ATG7: variants seen among roughly 807,000 people sequenced by gnomAD.
The protein encoded by ATG7 is ubiquitin-like modifier-activating enzyme ATG7.
ATG7 carries 70 observed loss-of-function variants against 82.4 expected under a neutral mutation model. The observed-to-expected ratio is 0.85, with a 90% CI of 0.70 to 1.04. The LOEUF (loss-of-function observed/expected upper bound fraction) is 1.04. Ranked by LOEUF, ATG7 falls within the 50% of genes least tolerant of loss-of-function variation. The pLI is 0.00. For synonymous variants in ATG7, 287 were observed against 313.0 expected (o/e 0.92, Z 0.88); for missense variants, 792 against 864.3 (o/e 0.92, Z 1.05).
intron 7 of ATG7, among the ~76,000 whole-genome samples, chr3:11,310,490 T>C (rs1412136742): frequency 6.6e-6 from 1 of 152,246 alleles, no homozygotes; most frequent in Non-Finnish European, 1.5e-5. Flanking sequence ...AGTGGGTGGC[T>C]ATCTACAAGG....
chr3:11,322,938 A>G (rs991011732), intron 9 of ATG7, among the ~76,000 whole-genome samples: 1 of 152,196 alleles, frequency 6.6e-6, no homozygotes, highest in Admixed American at 6.5e-5. Context: ...GTCTCTACAA[A>G]AAATTTAAAA....
chr3:11,334,072 G>A (rs578051283), intron 11 of ATG7, among the ~76,000 whole-genome samples: 15 of 151,766 alleles, frequency 9.9e-5, no homozygotes, highest in Admixed American at 3.3e-4. Flanking sequence ...TTTCTTACCC[G>A]GAATCCATGT....
intron 20 of ATG7, among the ~76,000 whole-genome samples, chr3:11,504,080 A>C (rs1559764778): frequency 6.6e-6 from 1 of 152,208 alleles, no homozygotes; most frequent in East Asian, 1.9e-4. Context: ...CCAGAACAGT[A>C]GATGAGACTA....
chr3:11,398,822 G>A (rs921604499), intron 19 of ATG7, among the ~76,000 whole-genome samples: 1 of 152,216 alleles, frequency 6.6e-6, no homozygotes, highest in East Asian at 1.9e-4. Flanking sequence ...CTGCACTCCA[G>A]TGTAGGTGAC....
chr3:11,364,701 GCCTCCAA>G lies in ATG7; in HGVS notation c.1847_1853del (p.Pro616LeufsTer48), dbSNP rs1250913394. ...GCAGCAGTGACGATCGGATGAATGAGCCTCCAACCTCTCTTGGGCTTGTGCCTCACCA... is the reference window on the plus strand; with the variant it reads ...GCAGCAGTGACGATCGGATGAATGAGCCTCTCTTGGGCTTGTGCCTCACCA... On this transcript the variant is annotated frameshift_variant, in exon 18 of 21. Coordinates refer to ENST00000693202, the MANE Select transcript of ATG7 (RefSeq NM_001349232.2). LOFTEE classifies it high-confidence loss of function. The G allele has an allele frequency of 6.2e-7, 1 of 1,614,030 alleles. No homozygotes were observed. Among genetic ancestry groups the G allele is most frequent in the Non-Finnish European group, 8.5e-7 (1 of 1,180,014 alleles).
intron 20 of ATG7, among the ~76,000 whole-genome samples, chr3:11,467,910 TAGAA>T (rs1299431527): frequency 6.6e-6 from 1 of 152,230 alleles, no homozygotes; most frequent in Non-Finnish European, 1.5e-5. Flanking sequence ...AATACAGAAT[TAGAA>T]AGAATTCCTC....
At chr3:11,565,095 C>A in the ATG7 span, 1 of 1,303,972 alleles carries the variant, frequency 7.7e-7, no homozygotes, top group East Asian at 2.9e-5. This position sits in a 1 kb window ranked among gnomAD's most constrained non-coding sequence, Gnocchi z 4.1. Context: ...CCAGGCACTC[C>A]GTGTTGCTTA....
intron 20 of ATG7, among the ~76,000 whole-genome samples, chr3:11,472,610 A>G (rs1429551122): frequency 6.6e-6 from 1 of 152,196 alleles, no homozygotes; most frequent in African/African-American, 2.4e-5. Flanking sequence ...ACAGATGTCC[A>G]CTGTGGTTAT....
chr3:11,420,880 T>C (rs1293721798), intron 19 of ATG7, among the ~76,000 whole-genome samples: 2 of 151,428 alleles, frequency 1.3e-5, no homozygotes, highest in African/African-American at 2.4e-5. Flanking sequence ...CTCAGCCTCC[T>C]GAGTAGCTGG....
intron 19 of ATG7, among the ~76,000 whole-genome samples, chr3:11,422,438 T>G (rs2082009090): frequency 6.6e-6 from 1 of 152,258 alleles, no homozygotes; most frequent in Admixed American, 6.5e-5. Context: ...CTTCCAGCTG[T>G]GCCTCTGTAG....
chr3:11,412,447 CA>C (rs1174427981), intron 19 of ATG7, among the ~76,000 whole-genome samples: 11 of 151,968 alleles, frequency 7.2e-5, no homozygotes, highest in Admixed American at 7.2e-4. Flanking sequence ...GCACTCTTGT[CA>C]AAAATTGAGA....
chr3:11,380,855 C>T lies in ATG7; in HGVS notation c.1956+803C>T, dbSNP rs1474520573. Among the ~76,000 whole-genome samples the T allele has an allele frequency of 3.3e-5, 5 of 152,108 alleles. No individual in the cohort carries two copies. The South Asian group carries it at 8.3e-4, about 25-fold the overall frequency. On this transcript the variant is annotated intron_variant, in intron 19 of 20. Transcript: ENST00000693202. ...TCAGTTACAATTTGGAACTATTTTT[C>T]GTGTAGCCTTCGTCTGTCTGCCACT...
rs1951862766 is a variant in ATG7 at position 11,332,960 on chromosome 3, G to A, written c.768-12G>A. 1 of 1,456,156 alleles carries A rather than the reference G, an allele frequency of 6.9e-7. No individual in the cohort carries two copies. Among genetic ancestry groups the A allele is most frequent in the Non-Finnish European group, 9.1e-7 (1 of 1,103,996 alleles). The allele number at this position is 1,456,156 out of a possible 1,614,324, so 90.2% of individuals were successfully genotyped here. On this transcript the variant is annotated splice_polypyrimidine_tract_variant and intron_variant, in intron 10 of 20. Transcript: ENST00000693202. ...AAATAATAAATAAATAAAAATCCGG[G>A]CATGACAACAGGAGTAGCAGTTTCC...
At chr3:11,374,496 A>T (rs2077245214) in intron 18 of ATG7, among the ~76,000 whole-genome samples, 1 of 152,242 alleles carries the variant, frequency 6.6e-6, no homozygotes, top group Admixed American at 6.5e-5. Flanking sequence ...AAAATATCAT[A>T]AATCTTTATG....
At chr3:11,301,435 A>G (rs974259755) in intron 5 of ATG7, among the ~76,000 whole-genome samples, 4 of 152,196 alleles carry the variant, frequency 2.6e-5, no homozygotes, top group Non-Finnish European at 5.9e-5. Context: ...ATTTAAAATA[A>G]AGTGTCCCTA....
chr3:11,538,056 T>G (rs1044156207), intron 20 of ATG7, among the ~76,000 whole-genome samples: 1 of 148,710 alleles, frequency 6.7e-6, no homozygotes, highest in Non-Finnish European at 1.5e-5. Flanking sequence ...AGATGACCCC[T>G]GTTGTCCAGC....
chr3:11,315,449 T>A lies in ATG7; in HGVS notation c.634T>A (p.Leu212Met), dbSNP rs1205542531. 1.2e-6 allele frequency: 2 copies of A among 1,612,152 alleles called. No homozygotes were observed. Among genetic ancestry groups the A allele is most frequent in the Non-Finnish European group, 8.5e-7 (1 of 1,179,346 alleles). The change falls in exon 9 of 21, where the codon TTG becomes ATG. Residue 212 changes from leucine to methionine, a missense_variant. Physicochemically the swap from Leu to Met is conservative, Grantham distance 15 (BLOSUM62 2). Transcript: ENST00000693202. Reference protein sequence around the residue: ...KYDENMVLVSLLKHYSDFFQG... With the variant: ...KYDENMVLVSMLKHYSDFFQG... The stretch of plus-strand genomic sequence containing the variant: ...TGATGAGAACATGGTGCTGGTTTCC[T>A]TGCTTAAACACTACAGTGATTTCTT...
rs573739522 is a variant in ATG7, at chr3:11,472,868, A to AT, written c.2079+45947dup. 2.0e-5 allele frequency among the ~76,000 whole-genome samples: 3 copies of AT among 152,128 alleles called. No individual in the cohort carries two copies. In the South Asian group the frequency reaches 6.2e-4, roughly 32 times the overall value. ...TGCACACCGTTTTTCATGAAATCTT[A>AT]TTTTTCTTGATAAGATCAGGGAATC... On this transcript the variant is annotated intron_variant, in intron 20 of 20. Coordinates refer to ENST00000693202, the MANE Select transcript of ATG7 (RefSeq NM_001349232.2).
the ATG7 span, among the ~76,000 whole-genome samples, chr3:11,570,136 G>A: frequency 6.6e-6 from 1 of 152,110 alleles, no homozygotes; most frequent in Non-Finnish European, 1.5e-5. Context: ...TTACAGAAGA[G>A]ATGACCAAGG....
Sources: gnomAD v4.1 joint callset for allele counts (sites outside exome capture counted in the v4.1 genomes callset) on GRCh38, gnomAD v4.1.1 for gene constraint, Gnocchi (gnomAD v3.1) non-coding constraint, MANE v1.5 for transcripts, NCBI Gene and HGNC (gene_info 2026-07-23, HGNC 2026-07-21) for gene names.